CDH12: variants seen among roughly 807,000 people sequenced by gnomAD.
CDH12 encodes cadherin-12.
A neutral mutation model predicts 74.1 loss-of-function variants in CDH12; 41 were observed. The ratio of observed to expected loss-of-function variants is 0.55; its 90% CI spans 0.43 to 0.72. The LOEUF (loss-of-function observed/expected upper bound fraction) is 0.72, where lower values mean the gene tolerates loss of function less well. Ranked by LOEUF, CDH12 falls within the 30% of genes least tolerant of loss-of-function variation. The probability of loss-of-function intolerance (pLI) is 0.00; values close to 1 mark genes in which losing one functional copy is unlikely to be tolerated. For missense variants in CDH12, 945 were observed against 977.2 expected, an observed-to-expected ratio of 0.97 and a Z score of 0.44; for synonymous variants, 399 against 355.0, an observed-to-expected ratio of 1.12 and a Z score of -1.39.
At chr5:21,954,815 C>A (rs931694852) in intron 6 of CDH12, among the ~76,000 whole-genome samples, 2 of 152,014 alleles carry the variant, frequency 1.3e-5, no homozygotes, top group African/African-American at 4.8e-5. Context: ...GTCTTAGTAG[C>A]TTTTATTCTC....
chr5:22,039,958 T>A (rs1257992756), intron 5 of CDH12, among the ~76,000 whole-genome samples: 1 of 145,410 alleles, frequency 6.9e-6, no homozygotes, highest in Non-Finnish European at 1.5e-5. Context: ...AACCCTCCAG[T>A]AATAGGCCAG....
intron 6 of CDH12, among the ~76,000 whole-genome samples, chr5:21,913,851 T>G (rs566974752): frequency 1.3e-5 from 2 of 152,108 alleles, no homozygotes; most frequent in African/African-American, 4.8e-5. Context: ...ACCCAGCTAA[T>G]ATTTTCATTT....
intron 1 of CDH12, among the ~76,000 whole-genome samples, chr5:22,714,679 G>A (rs1026528424): frequency 1.3e-5 from 2 of 152,154 alleles, no homozygotes; most frequent in African/African-American, 4.8e-5. Context: ...ACATCAGACA[G>A]CTAATTTATC....
chr5:21,910,398 G>A (rs1018125073), intron 6 of CDH12, among the ~76,000 whole-genome samples: 1 of 152,100 alleles, frequency 6.6e-6, no homozygotes, highest in African/African-American at 2.4e-5. Flanking sequence ...CTTAGACAGT[G>A]ACGCCGCACC....
intron 1 of CDH12, among the ~76,000 whole-genome samples, chr5:22,849,342 A>G (rs957425482): frequency 7.2e-5 from 11 of 152,166 alleles, no homozygotes; most frequent in Non-Finnish European, 1.2e-4. Flanking sequence ...ACGGTGCATC[A>G]GGACTCTCAT....
chr5:21,767,591 A>G (rs547747023), intron 11 of CDH12, among the ~76,000 whole-genome samples: 1 of 151,788 alleles, frequency 6.6e-6, no homozygotes, highest in African/African-American at 2.4e-5. Flanking sequence ...TCTAATTTAG[A>G]AATATCTAAA....
chr5:22,823,312 A>G (rs1299753170), intron 1 of CDH12, among the ~76,000 whole-genome samples: 2 of 152,090 alleles, frequency 1.3e-5, no homozygotes, highest in African/African-American at 2.4e-5. Flanking sequence ...GCAGCGCACC[A>G]GCATGGCACA....
chr5:22,278,446 T>C (rs1179767064), intron 3 of CDH12, among the ~76,000 whole-genome samples: 1 of 152,162 alleles, frequency 6.6e-6, no homozygotes, highest in African/African-American at 2.4e-5. Context: ...TCTCCCTCCT[T>C]GTGAAATGCT....
chr5:22,437,383 A>G (rs1344507062), intron 2 of CDH12, among the ~76,000 whole-genome samples: 2 of 151,848 alleles, frequency 1.3e-5, no homozygotes, highest in African/African-American at 4.8e-5. Context: ...TTTAAGTTAT[A>G]TTTGATTCTA....
intron 6 of CDH12, among the ~76,000 whole-genome samples, chr5:21,908,636 A>C (rs1316305816): frequency 6.6e-6 from 1 of 152,206 alleles, no homozygotes; most frequent in African/African-American, 2.4e-5. Context: ...AAAGCAAGTC[A>C]CATCATCAAA....
At chr5:22,454,288 A>G (rs940155367) in intron 2 of CDH12, among the ~76,000 whole-genome samples, 1 of 152,180 alleles carries the variant, frequency 6.6e-6, no homozygotes, top group African/African-American at 2.4e-5. Context: ...TAGAAAGATA[A>G]AACTTAAATT....
At chr5:22,736,253 T>C (rs906167361) in intron 1 of CDH12, among the ~76,000 whole-genome samples, 5 of 151,956 alleles carry the variant, frequency 3.3e-5, no homozygotes, top group Admixed American at 6.6e-5. Flanking sequence ...AATTGAGATA[T>C]ACATAACTTC....
At chr5:22,747,575 C>G (rs988826064) in intron 1 of CDH12, among the ~76,000 whole-genome samples, 9 of 146,758 alleles carry the variant, frequency 6.1e-5, no homozygotes, top group South Asian at 2.2e-4. Context: ...TGCGCTACTA[C>G]CCTCCAACCT....
intron 5 of CDH12, among the ~76,000 whole-genome samples, chr5:22,000,715 T>C (rs1327611799): frequency 1.3e-5 from 2 of 152,172 alleles, no homozygotes; most frequent in African/African-American, 2.4e-5. Flanking sequence ...TTACATTCTG[T>C]CTTCAAGTGA....
intron 1 of CDH12, among the ~76,000 whole-genome samples, chr5:22,541,480 G>T (rs967560972): frequency 6.6e-6 from 1 of 152,174 alleles, no homozygotes; most frequent in African/African-American, 2.4e-5. Flanking sequence ...AAAGTGAAAA[G>T]ATTTGTCCCA....
chr5:21,794,678 T>A (rs1746683587), intron 10 of CDH12, among the ~76,000 whole-genome samples: 1 of 151,744 alleles, frequency 6.6e-6, no homozygotes, highest in Non-Finnish European at 1.5e-5. Flanking sequence ...CTGTATACAG[T>A]CAAATGATCT....
At chr5:22,608,933 T>C (rs142601683) in intron 1 of CDH12, among the ~76,000 whole-genome samples, 161 of 152,262 alleles carry the variant, frequency 1.1e-3, no homozygotes, top group African/African-American at 3.7e-3. Flanking sequence ...CAGTTCTTTA[T>C]AGTGGTGTGA....
chr5:22,673,480 T>C (rs967065954), intron 1 of CDH12, among the ~76,000 whole-genome samples: 1 of 152,158 alleles, frequency 6.6e-6, no homozygotes, highest in African/African-American at 2.4e-5. Context: ...ATTTCTTCAT[T>C]GTATAATGGT....
At chr5:22,454,257 CAATT>C (rs1745178235) in intron 2 of CDH12, among the ~76,000 whole-genome samples, 1 of 152,110 alleles carries the variant, frequency 6.6e-6, no homozygotes, top group African/African-American at 2.4e-5. Flanking sequence ...ATTAAACTAA[CAATT>C]AGTCTTTCGT....
Sources: gnomAD v4.1 joint callset for allele counts (sites outside exome capture counted in the v4.1 genomes callset) on GRCh38, gnomAD v4.1.1 for gene constraint, MANE v1.5 for transcripts, NCBI Gene and HGNC (gene_info 2026-07-23, HGNC 2026-07-21) for gene names.